MAPK10: variants seen among roughly 807,000 people sequenced by gnomAD.
The protein encoded by MAPK10 is mitogen-activated protein kinase 10, also known as JNK3 alpha protein kinase.
MAPK10 carries 25 observed loss-of-function variants against 59.3 expected under a neutral mutation model. The ratio of observed to expected loss-of-function variants is 0.42; its 90% CI spans 0.31 to 0.59. MAPK10 has a LOEUF of 0.59. MAPK10 is among the 20% of genes least tolerant of loss of function. The pLI, the probability that MAPK10 is intolerant of heterozygous loss-of-function variation, is 0.15. For synonymous variants in MAPK10, 190 were observed against 200.5 expected (o/e 0.95, Z 0.44); for missense variants, 351 against 568.9 (o/e 0.62, Z 3.90).
At chr4:86,274,847 T>C (rs1330556554) in intron 2 of MAPK10, among the ~76,000 whole-genome samples, 1 of 151,998 alleles carries the variant, frequency 6.6e-6, no homozygotes, top group East Asian at 1.9e-4. Flanking sequence ...CAGTTACCTG[T>C]CAATCAAACT....
At chr4:86,500,982 T>TA (rs1177248501) in intron 1 of MAPK10, among the ~76,000 whole-genome samples, 1 of 151,990 alleles carries the variant, frequency 6.6e-6, no homozygotes, top group Non-Finnish European at 1.5e-5. Flanking sequence ...TGTTAACATT[T>TA]AAAAATATAA....
chr4:86,098,268 T>C (rs975245850), intron 9 of MAPK10, among the ~76,000 whole-genome samples: 1 of 152,098 alleles, frequency 6.6e-6, no homozygotes, highest in Non-Finnish European at 1.5e-5. Context: ...TAAAGAAAAA[T>C]AGCATTTCTA....
chr4:86,038,072 A>C (rs1243710738), intron 11 of MAPK10, among the ~76,000 whole-genome samples: 3 of 152,334 alleles, frequency 2.0e-5, no homozygotes, highest in Non-Finnish European at 4.4e-5. Context: ...AAACACATGA[A>C]TCTCTAAAGA....
chr4:86,372,564 G>GAAAGAGAAAAGAAAAGA (rs1739002096), intron 1 of MAPK10, among the ~76,000 whole-genome samples: 2 of 78,690 alleles, frequency 2.5e-5, no homozygotes, highest in Non-Finnish European at 5.5e-5. Flanking sequence ...AAGAAAGAAA[G>GAAAGAGAAAAGAAAAGA]AAAGAAAAGA....
intron 1 of MAPK10, among the ~76,000 whole-genome samples, chr4:86,410,566 G>C (rs190883072): frequency 9.9e-5 from 15 of 152,196 alleles, no homozygotes; most frequent in Non-Finnish European, 4.4e-5. Flanking sequence ...ATTAATTATT[G>C]CATCAGTTTC....
intron 2 of MAPK10, among the ~76,000 whole-genome samples, chr4:86,229,816 G>A (rs544837636): frequency 1.3e-5 from 2 of 152,080 alleles, no homozygotes; most frequent in South Asian, 4.2e-4. Flanking sequence ...GGCACTTTGT[G>A]AAGCTGAGGA....
chr4:86,472,827 G>A (rs1752764670), intron 1 of MAPK10, among the ~76,000 whole-genome samples: 1 of 152,126 alleles, frequency 6.6e-6, no homozygotes, highest in Non-Finnish European at 1.5e-5. Flanking sequence ...GGTGTATACT[G>A]TAAATGACTT....
intron 2 of MAPK10, among the ~76,000 whole-genome samples, chr4:86,266,707 T>G (rs2094251842): frequency 6.6e-6 from 1 of 152,150 alleles, no homozygotes; most frequent in East Asian, 1.9e-4. Context: ...GAACCAGAAT[T>G]TTGAGAAGCT....
chr4:86,437,978 G>C (rs1443194509), intron 1 of MAPK10, among the ~76,000 whole-genome samples: 1 of 152,164 alleles, frequency 6.6e-6, no homozygotes, highest in Non-Finnish European at 1.5e-5. Flanking sequence ...TTGTTCAAAA[G>C]TCAAACAAAA....
At chr4:86,450,441 C>A (rs1750567558) in intron 1 of MAPK10, among the ~76,000 whole-genome samples, 1 of 152,168 alleles carries the variant, frequency 6.6e-6, no homozygotes, top group East Asian at 1.9e-4. Flanking sequence ...AAACTGAAAT[C>A]TTTTATAAAT....
intron 4 of MAPK10, among the ~76,000 whole-genome samples, chr4:86,131,027 A>C (rs1201130470): frequency 1.3e-5 from 2 of 152,190 alleles, no homozygotes; most frequent in Non-Finnish European, 2.9e-5. Flanking sequence ...AATGGGATAG[A>C]TCATAATATA....
At chr4:86,462,570 C>A (rs142647093) in intron 1 of MAPK10, among the ~76,000 whole-genome samples, 1 of 152,104 alleles carries the variant, frequency 6.6e-6, no homozygotes, top group South Asian at 2.1e-4. Flanking sequence ...CAGCACCAGC[C>A]GTCCACGTGG....
chr4:86,412,270 C>T (rs1252092963), intron 1 of MAPK10, among the ~76,000 whole-genome samples: 2 of 152,210 alleles, frequency 1.3e-5, no homozygotes, highest in African/African-American at 4.8e-5. Context: ...GAGAGATCTG[C>T]TGTTAGTCTG....
chr4:86,288,019 G>T (rs916012239), intron 2 of MAPK10, among the ~76,000 whole-genome samples: 1 of 152,098 alleles, frequency 6.6e-6, no homozygotes, highest in African/African-American at 2.4e-5. Context: ...AAAATGGTAT[G>T]GTGGAGAAAG....
chr4:86,225,554 C>A (rs2090457851), intron 2 of MAPK10, among the ~76,000 whole-genome samples: 1 of 152,126 alleles, frequency 6.6e-6, no homozygotes, highest in African/African-American at 2.4e-5. Flanking sequence ...TAAATCCTAA[C>A]TGCGAATGTA....
At chr4:86,417,713 T>C (rs1178975002) in intron 1 of MAPK10, among the ~76,000 whole-genome samples, 2 of 152,212 alleles carry the variant, frequency 1.3e-5, no homozygotes, top group East Asian at 3.8e-4. Context: ...GAGAACCTAC[T>C]CACACTTTAC....
intron 5 of MAPK10, among the ~76,000 whole-genome samples, chr4:86,105,590 G>A (rs1243364052): frequency 6.6e-6 from 1 of 152,092 alleles, no homozygotes; most frequent in Non-Finnish European, 1.5e-5. Context: ...TTGATTCATT[G>A]CTTGTATCCA....
chr4:86,360,379 A>G (rs180788186), upstream of MAPK10, among the ~76,000 whole-genome samples: 3 of 152,294 alleles, frequency 2.0e-5, no homozygotes, highest in African/African-American at 4.8e-5. Flanking sequence ...ATACCAGCAG[A>G]GCAAAACACC....
intron 1 of MAPK10, among the ~76,000 whole-genome samples, chr4:86,406,141 A>G (rs1344094662): frequency 6.6e-6 from 1 of 152,172 alleles, no homozygotes; most frequent in Non-Finnish European, 1.5e-5. Flanking sequence ...TGCTGGCAAC[A>G]AAAAGCAGAG....
Sources: allele counts gnomAD v4.1 joint callset (sites outside exome capture counted in the v4.1 genomes callset), GRCh38; gene constraint gnomAD v4.1.1; transcripts MANE v1.5; gene names NCBI Gene and HGNC (gene_info 2026-07-23, HGNC 2026-07-21).